The following PDE3B variants were observed in gnomAD, a reference collection of about 807,000 sequenced individuals.
PDE3B encodes the protein cGMP-inhibited 3',5'-cyclic phosphodiesterase 3B.
Under a neutral mutation model 116.8 loss-of-function variants are expected in PDE3B, and 66 were observed. The ratio of observed to expected loss-of-function variants is 0.56; its 90% CI spans 0.46 to 0.69. The LOEUF (loss-of-function observed/expected upper bound fraction) is 0.69. PDE3B is among the 30% of genes least tolerant of loss of function. The probability of loss-of-function intolerance (pLI) is 0.00; values close to 1 mark genes in which losing one functional copy is unlikely to be tolerated. For missense variants in PDE3B, 1,384 were observed against 1,368.1 expected (o/e 1.01, Z -0.18); for synonymous variants, 595 against 533.6 (o/e 1.12, Z -1.59).
At position 14,786,420 on chromosome 11, in the gene PDE3B, A is replaced by T. The variant is rs756409967; in HGVS notation, c.1030-17A>T. ...CCATGTACAAATGAATGAAAATTTCACTTTTTTTCTTTCTAGAATTCTGGA... is the reference window on the plus strand; with the variant it reads ...CCATGTACAAATGAATGAAAATTTCTCTTTTTTTCTTTCTAGAATTCTGGA... On this transcript the variant is annotated splice_polypyrimidine_tract_variant and intron_variant, in intron 2 of 15. Transcript: ENST00000282096. The T allele has an allele frequency of 1.2e-6, 2 of 1,600,090 alleles. No homozygotes were observed. Among genetic ancestry groups the T allele is most frequent in the South Asian group, 2.2e-5 (2 of 90,170 alleles).
the PDE3B span, chr11:14,892,089 G>A: frequency 4.3e-6 from 7 of 1,611,706 alleles, no homozygotes; most frequent in African/African-American, 5.3e-5. Flanking sequence ...GCCCCGGGGG[G>A]AAGCCCATCG....
At chr11:14,791,134 G>A (rs929319136) in intron 4 of PDE3B, among the ~76,000 whole-genome samples, 6 of 152,076 alleles carry the variant, frequency 3.9e-5, no homozygotes, top group African/African-American at 1.4e-4. Context: ...CCATATTAGT[G>A]CAGCTCTAGA....
intron 1 of PDE3B, among the ~76,000 whole-genome samples, chr11:14,659,175 T>C (rs1853811923): frequency 6.6e-6 from 1 of 152,202 alleles, no homozygotes; most frequent in South Asian, 2.1e-4. Context: ...TGGAAACTAA[T>C]GCAGGACATT....
the PDE3B span, chr11:14,891,522 CGAA>C: frequency 3.8e-5 from 38 of 996,546 alleles, no homozygotes; most frequent in Non-Finnish European, 4.1e-5. Context: ...CTGCAGACAC[CGAA>C]GAACCTGCTA....
In PDE3B at chr11:14,665,837, C is replaced by T. The variant is rs1048494976; in HGVS notation, c.978+20784C>T. On this transcript the variant is annotated intron_variant, in intron 1 of 15. Transcript: ENST00000282096. The stretch of plus-strand genomic sequence containing the variant: ...GCTCATGGGTAGGAAGAATCAATAT[C>T]GTGAAAATGGCCATACTGCCCAAGG... Among the ~76,000 whole-genome samples, 365 of 152,172 alleles carry T rather than the reference C, an allele frequency of 2.4e-3. 1 individual carries two copies. The highest frequency in any genetic ancestry group is 8.3e-3 in the African/African-American group (343 of 41,516).
chr11:14,712,167 C>T (rs1855723718), intron 1 of PDE3B, among the ~76,000 whole-genome samples: 1 of 152,168 alleles, frequency 6.6e-6, no homozygotes, highest in African/African-American at 2.4e-5. Flanking sequence ...CTCACTGTAA[C>T]CTCCAACTCC....
chr11:14,815,400 C>T (rs1050989575), intron 5 of PDE3B, among the ~76,000 whole-genome samples: 4 of 152,056 alleles, frequency 2.6e-5, no homozygotes, highest in Admixed American at 6.5e-5. Flanking sequence ...GGGAATGAAT[C>T]GGCTGCCAAG....
At chr11:14,705,146 T>A (rs900128367) in intron 1 of PDE3B, among the ~76,000 whole-genome samples, 6 of 151,752 alleles carry the variant, frequency 4.0e-5, no homozygotes, top group Admixed American at 6.6e-5. Context: ...ATACTGGAAT[T>A]CTCTCCTAGG....
chr11:14,749,635 T>C (rs1198539689), intron 1 of PDE3B, among the ~76,000 whole-genome samples: 1 of 151,794 alleles, frequency 6.6e-6, no homozygotes, highest in East Asian at 1.9e-4. Context: ...TAAATACTTT[T>C]GGTTCCTTCA....
chr11:14,734,795 T>G (rs1856554393), intron 1 of PDE3B, among the ~76,000 whole-genome samples: 1 of 152,186 alleles, frequency 6.6e-6, no homozygotes, highest in Non-Finnish European at 1.5e-5. Context: ...TCTTTTTTTT[T>G]GTTAGACCAC....
intron 14 of PDE3B, among the ~76,000 whole-genome samples, chr11:14,865,239 A>G (rs1848022588): frequency 6.6e-6 from 1 of 152,186 alleles, no homozygotes; most frequent in Non-Finnish European, 1.5e-5. Context: ...ACTTTGCTGA[A>G]TCTGCCATTT....
the PDE3B span, chr11:14,887,739 T>C: frequency 1.6e-6 from 1 of 631,060 alleles, no homozygotes; most frequent in African/African-American, 2.0e-5. Flanking sequence ...CTTCAAGTGG[T>C]TGAGGCCCAG....
chr11:14,836,865 A>AGT (rs1412678637), intron 11 of PDE3B, among the ~76,000 whole-genome samples: 1 of 152,210 alleles, frequency 6.6e-6, no homozygotes, highest in Non-Finnish European at 1.5e-5. Flanking sequence ...GCCAGAGTAC[A>AGT]GTGGCTTGAT....
chr11:14,893,929 G>A, the PDE3B span, among the ~76,000 whole-genome samples: 1 of 152,102 alleles, frequency 6.6e-6, no homozygotes, highest in Non-Finnish European at 1.5e-5. Flanking sequence ...CAGATATGGG[G>A]GAAAATATTC....
In PDE3B at chr11:14,654,787, T is replaced by TACACACAC. The variant is rs59557281; in HGVS notation, c.978+9772_978+9779dup. On this transcript the variant is annotated intron_variant, in intron 1 of 15. Coordinates refer to ENST00000282096, the MANE Select transcript of PDE3B (RefSeq NM_000922.4). ...TGTTTATATATACACAGCAGCTGTC[T>TACACACAC]ACACACACACACACACACACACACA... is the stretch of plus-strand genomic sequence containing the variant. Among the ~76,000 whole-genome samples the TACACACAC allele has an allele frequency of 1.7e-3, 241 of 142,082 alleles. 2 individuals are homozygous for TACACACAC. Among genetic ancestry groups the TACACACAC allele is most frequent in the East Asian group, 0.013 (63 of 4,832 alleles). 93.2% of individuals were successfully genotyped at this position (142,082 alleles called of 152,430 possible).
chr11:14,876,306 C>T (rs1555009711), downstream of PDE3B, among the ~76,000 whole-genome samples: 1 of 151,898 alleles, frequency 6.6e-6, no homozygotes, highest in African/African-American at 2.4e-5. Context: ...TGCTTGAGCC[C>T]AGGAGTTCAA....
At chr11:14,767,737 A>C (rs1857534398) in intron 1 of PDE3B, among the ~76,000 whole-genome samples, 1 of 151,464 alleles carries the variant, frequency 6.6e-6, no homozygotes, top group East Asian at 1.9e-4. Context: ...ATAGTTCACA[A>C]TTATGAAATA....
intron 2 of PDE3B, among the ~76,000 whole-genome samples, chr11:14,779,192 T>C (rs1478828565): frequency 6.6e-6 from 1 of 152,182 alleles, no homozygotes; most frequent in Non-Finnish European, 1.5e-5. Flanking sequence ...CTACGTCTGA[T>C]GGGTGTACCT....
chr11:14,669,985 A>G (rs978340357), intron 1 of PDE3B, among the ~76,000 whole-genome samples: 2 of 152,180 alleles, frequency 1.3e-5, no homozygotes, highest in African/African-American at 4.8e-5. Flanking sequence ...GTCTTGTATT[A>G]TAAATGTTTT....
Sources: allele counts gnomAD v4.1 joint callset (sites outside exome capture counted in the v4.1 genomes callset), GRCh38; gene constraint gnomAD v4.1.1; transcripts MANE v1.5; gene names NCBI Gene and HGNC (gene_info 2026-07-23, HGNC 2026-07-21).